Variants in CEMIP observed in about 807,000 individuals in gnomAD.
CEMIP encodes cell migration-inducing and hyaluronan-binding protein.
A neutral mutation model predicts 156.9 loss-of-function variants in CEMIP; 105 were observed. That is an observed-to-expected ratio of 0.67 (90% CI 0.57 to 0.79). CEMIP has a LOEUF of 0.79. Ranked by LOEUF, CEMIP falls within the 30% of genes least tolerant of loss-of-function variation. The probability of loss-of-function intolerance (pLI) is 0.00; values close to 1 mark genes in which losing one functional copy is unlikely to be tolerated. For missense variants in CEMIP, 1,457 were observed against 1,769.4 expected, an observed-to-expected ratio of 0.82 and a Z score of 3.17; for synonymous variants, 676 against 668.4, an observed-to-expected ratio of 1.01 and a Z score of -0.17.
At chr15:80,821,817 T>C (rs1231761733) in intron 1 of CEMIP, among the ~76,000 whole-genome samples, 1 of 152,238 alleles carries the variant, frequency 6.6e-6, no homozygotes, top group African/African-American at 2.4e-5. Flanking sequence ...CACAGCTCTG[T>C]GTGGCAGATC....
At chr15:80,873,755 T>C (rs550073780) in intron 2 of CEMIP, 59 bp downstream of exon 2, 313 of 764,430 alleles carry the variant, frequency 4.1e-4, no homozygotes, top group Non-Finnish European at 6.2e-4. Context: ...TCACTGCCTG[T>C]CCCGTGTCTG....
At chr15:80,798,498 T>C (rs926753789) in intron 1 of CEMIP, among the ~76,000 whole-genome samples, 1 of 152,182 alleles carries the variant, frequency 6.6e-6, no homozygotes, top group Non-Finnish European at 1.5e-5. Flanking sequence ...GTCTCACTAA[T>C]TGTGTACAAC....
intron 7 of CEMIP, among the ~76,000 whole-genome samples, chr15:80,887,430 CT>C (rs1303400761): frequency 1.3e-5 from 2 of 152,210 alleles, no homozygotes; most frequent in Non-Finnish European, 1.5e-5. Flanking sequence ...ATGCTCCCAT[CT>C]TCTGCCAGAA....
At chr15:80,810,529 A>G (rs571685909) in intron 1 of CEMIP, among the ~76,000 whole-genome samples, 73 of 152,218 alleles carry the variant, frequency 4.8e-4, no homozygotes, top group African/African-American at 1.7e-3. Context: ...CACTGCGGCC[A>G]GCTAATTTTT....
intron 28 of CEMIP, 101 bp downstream of exon 28, chr15:80,943,203 G>T (rs1438216103): frequency 3.0e-6 from 4 of 1,336,444 alleles, no homozygotes; most frequent in South Asian, 2.4e-5. Flanking sequence ...AGATCAGTCT[G>T]GAAAAGCTCA....
intron 3 of CEMIP, among the ~76,000 whole-genome samples, chr15:80,876,235 C>T (rs1487661706): frequency 6.6e-6 from 1 of 152,198 alleles, no homozygotes; most frequent in Non-Finnish European, 1.5e-5. Context: ...CCCAGGGCCT[C>T]TGACTGGCCT....
At position 80,949,098 on chromosome 15, in the gene CEMIP, C is replaced by A; in HGVS notation, c.*174C>A. 1 of 821,860 alleles carries A rather than the reference C, an allele frequency of 1.2e-6. No individual in the cohort carries two copies. The highest frequency in any genetic ancestry group is 2.0e-6 in the Non-Finnish European group (1 of 496,784). The allele number at this position is 821,860 out of a possible 1,614,324, so 50.9% of individuals were successfully genotyped here. On this transcript the variant is annotated 3_prime_UTR_variant, in exon 30 of 30. Transcript: ENST00000394685. ...TCAGAGACCCTGGTGCTGCCACCTG[C>A]CCCTACTCAAGTGTCTACCTGGAGC...
At chr15:80,790,378 C>G (rs977102464) in intron 1 of CEMIP, among the ~76,000 whole-genome samples, 1 of 152,194 alleles carries the variant, frequency 6.6e-6, no homozygotes, top group Non-Finnish European at 1.5e-5. Context: ...TCTCAGAGGT[C>G]TGTACTCCTG....
rs1596152559 is a variant in CEMIP, at chr15:80,878,843, T to C, written c.217T>C (p.Tyr73His). 1.9e-6 allele frequency: 3 copies of C among 1,614,218 alleles called. No homozygotes were observed. In the East Asian group the frequency reaches 6.7e-5, roughly 36 times the overall value. The change falls in exon 4 of 30, where the codon TAT becomes CAT. Residue 73 changes from tyrosine (Y) to histidine (H), a missense_variant. Physicochemically the swap from Tyr to His is moderately conservative, Grantham distance 83. Around this residue, in one of 5 missense-constraint regions of CEMIP, gnomAD observed 309 missense variants for 340.8 expected, o/e 0.91. Coordinates refer to ENST00000394685, the MANE Select transcript of CEMIP (RefSeq NM_001293298.2). Reference sequence around the variant, plus strand: ...GCTGCTCACCTCTTCTGCCACGGTCTATTCCATCCACATCTCAGAGGGAGG... The same window carrying C: ...GCTGCTCACCTCTTCTGCCACGGTCCATTCCATCCACATCTCAGAGGGAGG... ...TLLLTSSATV[Y>H]SIHISEGGKL...
intron 1 of CEMIP, among the ~76,000 whole-genome samples, chr15:80,859,716 C>A (rs1469721760): frequency 1.3e-5 from 2 of 152,228 alleles, no homozygotes; most frequent in African/African-American, 4.8e-5. Context: ...GCACCAAGAA[C>A]TGGAGAATTG....
intron 1 of CEMIP, among the ~76,000 whole-genome samples, chr15:80,842,806 A>C (rs1897458550): frequency 6.6e-6 from 1 of 152,136 alleles, no homozygotes; most frequent in Non-Finnish European, 1.5e-5. Context: ...GAGATCTTAG[A>C]GAGAGGCTTG....
intron 27 of CEMIP, 104 bp from the exon 28 acceptor site, chr15:80,942,841 C>A: frequency 1.5e-6 from 2 of 1,304,274 alleles, no homozygotes; most frequent in South Asian, 1.2e-5. Flanking sequence ...CAAATAGATG[C>A]ATAGGCAACT....
intron 1 of CEMIP, among the ~76,000 whole-genome samples, chr15:80,850,846 C>G (rs111709858): frequency 0.027 from 4,092 of 152,238 alleles, 171 homozygotes; most frequent in African/African-American, 0.095. Context: ...TGCAGAGAAT[C>G]CAAGGTAGGA....
intron 1 of CEMIP, among the ~76,000 whole-genome samples, chr15:80,795,297 G>C (rs946319549): frequency 3.3e-5 from 5 of 152,078 alleles, no homozygotes; most frequent in Non-Finnish European, 7.4e-5. Flanking sequence ...GGTAGGTGGG[G>C]GTGATAGGCA....
At chr15:80,919,718 G>A (rs562524648) in intron 14 of CEMIP, among the ~76,000 whole-genome samples, 1 of 152,058 alleles carries the variant, frequency 6.6e-6, no homozygotes, top group Non-Finnish European at 1.5e-5. Flanking sequence ...GGGAGGCTGA[G>A]GCAGGAGAAT....
At chr15:80,793,401 G>C (rs1274038825) in intron 1 of CEMIP, among the ~76,000 whole-genome samples, 1 of 152,150 alleles carries the variant, frequency 6.6e-6, no homozygotes, top group Middle Eastern at 3.2e-3. Context: ...CTTCTGTGGT[G>C]GGTGTTTTTC....
intron 1 of CEMIP, among the ~76,000 whole-genome samples, chr15:80,839,558 G>A (rs1442456361): frequency 2.0e-5 from 3 of 152,122 alleles, no homozygotes; most frequent in Non-Finnish European, 4.4e-5. Context: ...CAGAAGGGTG[G>A]GCCTTCAGCA....
At chr15:80,832,901 G>C (rs562913851) in intron 1 of CEMIP, among the ~76,000 whole-genome samples, 4 of 152,218 alleles carry the variant, frequency 2.6e-5, no homozygotes, top group African/African-American at 9.6e-5. Context: ...CACATGCCTG[G>C]CAGCTGATGC....
intron 1 of CEMIP, among the ~76,000 whole-genome samples, chr15:80,844,796 T>TTGGGGCA (rs1459733284): frequency 6.6e-6 from 1 of 152,138 alleles, no homozygotes; most frequent in Non-Finnish European, 1.5e-5. Context: ...ACAGCGAAGA[T>TTGGGGCA]TGGGGCATGG....
Sources: gnomAD v4.1 joint callset for allele counts (sites outside exome capture counted in the v4.1 genomes callset) on GRCh38, gnomAD v4.1.1 for gene constraint, gnomAD v4.1.1 regional missense constraint, MANE v1.5 for transcripts, NCBI Gene and HGNC (gene_info 2026-07-23, HGNC 2026-07-21) for gene names.